IL1RL2: variants seen among roughly 807,000 people sequenced by gnomAD.
The protein encoded by IL1RL2 is interleukin 1 receptor like 2, also known as interleukin-1 receptor-like 2.
IL1RL2 carries 68 observed loss-of-function variants against 66.8 expected under a neutral mutation model. That is an observed-to-expected ratio of 1.02 (90% CI 0.84 to 1.25). The LOEUF is 1.25. IL1RL2 is among the 50% of genes most tolerant of loss of function. The pLI, the probability that IL1RL2 is intolerant of heterozygous loss-of-function variation, is 0.00. For synonymous variants in IL1RL2, 305 were observed against 264.6 expected, an observed-to-expected ratio of 1.15 and a Z score of -1.48; for missense variants, 729 against 709.3, an observed-to-expected ratio of 1.03 and a Z score of -0.32.
chr2:102,234,532 A>C (rs562133454), intron 10 of IL1RL2, among the ~76,000 whole-genome samples: 8 of 152,306 alleles, frequency 5.3e-5, no homozygotes, highest in African/African-American at 1.9e-4. Flanking sequence ...GGTGGCTCAC[A>C]CCTGTAACCC....
intron 8 of IL1RL2, among the ~76,000 whole-genome samples, chr2:102,222,102 A>G (rs958907116): frequency 6.6e-6 from 1 of 151,978 alleles, no homozygotes; most frequent in Non-Finnish European, 1.5e-5. Flanking sequence ...TAATAATACA[A>G]TTTATTTTTG....
chr2:102,221,020 G>A (rs1026756411), intron 8 of IL1RL2, among the ~76,000 whole-genome samples: 34 of 152,268 alleles, frequency 2.2e-4, no homozygotes, highest in Middle Eastern at 3.4e-3. Flanking sequence ...GGCCAGTGTC[G>A]TTCTGGCCTC....
At chr2:102,187,377 T>C in intron 1 of IL1RL2, 1 of 1,149,822 alleles carries the variant, frequency 8.7e-7, no homozygotes, top group Non-Finnish European at 1.1e-6. Context: ...AGTGAGCGGG[T>C]GTTTGGGGTT....
At chr2:102,223,440 A>C (rs1207036253) in intron 8 of IL1RL2, among the ~76,000 whole-genome samples, 1 of 152,236 alleles carries the variant, frequency 6.6e-6, no homozygotes, top group Non-Finnish European at 1.5e-5. Flanking sequence ...GGCTGGTAGT[A>C]GTCAAATGAC....
At chr2:102,192,627 C>T (rs112908206) in intron 4 of IL1RL2, among the ~76,000 whole-genome samples, 180 of 152,274 alleles carry the variant, frequency 1.2e-3, no homozygotes, top group Admixed American at 4.1e-3. Context: ...TCCTTTTTTA[C>T]GCTCATCTTT....
Position 102,233,879 on chromosome 2 carries a change from A to C in IL1RL2, c.1297+755A>C, listed in dbSNP as rs560760908. Reference sequence around the variant, plus strand: ...AAATAAACATTCTTTTCTAGTCACCAGTAAATGCCAATTCACTCACTTATT... The same window carrying C: ...AAATAAACATTCTTTTCTAGTCACCCGTAAATGCCAATTCACTCACTTATT... On this transcript the variant is annotated intron_variant, in intron 10 of 11. Transcript: ENST00000264257. 4.6e-5 allele frequency among the ~76,000 whole-genome samples: 7 copies of C among 152,320 alleles called. No homozygotes were observed. The East Asian group carries it at 1.4e-3, about 29-fold the overall frequency.
At chr2:102,195,582 TTTC>T (rs1687621835) in intron 4 of IL1RL2, among the ~76,000 whole-genome samples, 1 of 14,366 alleles carries the variant, frequency 7.0e-5, no homozygotes, top group Non-Finnish European at 1.6e-4. Flanking sequence ...TCTTTCTTTC[TTTC>T]TTTCTTTCTT....
chr2:102,206,864 G>A (rs56112655), intron 5 of IL1RL2, among the ~76,000 whole-genome samples: 42,680 of 152,178 alleles, frequency 0.28, 6,619 homozygotes, highest in East Asian at 0.38. Context: ...GGATCCAGAG[G>A]TGCCATCTAG....
chr2:102,219,184 C>T, intron 7 of IL1RL2, 102 bp downstream of exon 7: 1 of 1,301,802 alleles, frequency 7.7e-7, no homozygotes, highest in Non-Finnish European at 1.1e-6. Context: ...TTTTGCCTCT[C>T]AATGATTCAT....
chr2:102,187,351 G>T, intron 1 of IL1RL2: 3 of 1,163,626 alleles, frequency 2.6e-6, no homozygotes, highest in Non-Finnish European at 2.2e-6. Context: ...AGGTAGGCCT[G>T]CCCTGGCTGC....
intron 3 of IL1RL2, among the ~76,000 whole-genome samples, 154 bp downstream of exon 3, chr2:102,189,464 A>G (rs1687035392): frequency 6.6e-6 from 1 of 152,226 alleles, no homozygotes; most frequent in African/African-American, 2.4e-5. Context: ...ACACATTTTT[A>G]AACAGAACAG....
rs551196589 is a variant in IL1RL2, at chr2:102,187,161, A to G, written c.-13+75A>G. 3,117 of 1,265,228 alleles carry G rather than the reference A, an allele frequency of 2.5e-3. 13 individuals are homozygous for G. Among genetic ancestry groups the G allele is most frequent in the Non-Finnish European group, 2.3e-3 (2,259 of 968,864 alleles). 78.4% of individuals were successfully genotyped at this position (1,265,228 alleles called of 1,614,324 possible). A position where few individuals can be genotyped will look rare whatever the true frequency, so the allele number is the denominator to read the frequency against. On this transcript the variant is annotated intron_variant, in intron 1 of 11. Transcript: ENST00000264257. ...GACAGTAGGAGAGGTGTGCAGGAAA[A>G]GACGTGGCAACAATGTGTGCCACCG...
rs1054675109 is a variant in IL1RL2, at chr2:102,207,825, C to T, written c.650-4275C>T. ...TAGGACTCACCTAAGAGTTGCAGTC[C>T]CTGTGGCCCAGACTGCCTCTCAAGT... On this transcript the variant is annotated intron_variant, in intron 5 of 11. Coordinates refer to ENST00000264257, the MANE Select transcript of IL1RL2 (RefSeq NM_003854.4). Among the ~76,000 whole-genome samples, 9 of 152,276 alleles carry T rather than the reference C, an allele frequency of 5.9e-5. No homozygotes were observed. The East Asian group carries it at 9.6e-4, about 16-fold the overall frequency.
chr2:102,217,230 G>A (rs1028578069), intron 6 of IL1RL2, among the ~76,000 whole-genome samples: 9 of 152,008 alleles, frequency 5.9e-5, no homozygotes, highest in African/African-American at 2.2e-4. Context: ...GTTTTGCTGG[G>A]TATAGTATTC....
At chr2:102,200,164 G>A (rs1004982799) in intron 4 of IL1RL2, among the ~76,000 whole-genome samples, 4 of 149,612 alleles carry the variant, frequency 2.7e-5, no homozygotes, top group Non-Finnish European at 3.0e-5. Flanking sequence ...CCTAAAGAAG[G>A]AGACATCACA....
chr2:102,211,921 T>A lies in IL1RL2; in HGVS notation c.650-179T>A, dbSNP rs375063838. Among the ~76,000 whole-genome samples, 31 of 152,230 alleles carry A rather than the reference T, an allele frequency of 2.0e-4. 1 individual carries two copies. The highest frequency in any genetic ancestry group is 7.0e-4 in the African/African-American group (29 of 41,556). The stretch of plus-strand genomic sequence containing the variant: ...TTGATAGCTCAGCTTCTAGCTTATT[T>A]TTTTTTTCTTTTTTGGCAATTCAGT... On this transcript the variant is annotated intron_variant, in intron 5 of 11. Coordinates refer to ENST00000264257, the MANE Select transcript of IL1RL2 (RefSeq NM_003854.4).
rs977774195 is a variant in IL1RL2 at position 102,239,229 on chromosome 2, C to T, written c.1716C>T (p.Leu572=). ...GCTCAAGAAGAAAGAAGTGTACTCT[C>T]ACGACTGGCTAAGACTTGCTGGACT... ...ELGSRRKKCT[L]TTG Residue 572 remains leucine (L), a synonymous_variant, in exon 12 of 12, where the codon CTC becomes CTT. Transcript: ENST00000264257. 6.2e-7 allele frequency: 1 copy of T among 1,614,018 alleles called. No homozygotes were observed. The highest frequency in any genetic ancestry group is 8.5e-7 in the Non-Finnish European group (1 of 1,179,894).
At chr2:102,236,023 A>G (rs1674849004) in intron 11 of IL1RL2, 1 of 806,190 alleles carries the variant, frequency 1.2e-6, no homozygotes, top group African/African-American at 1.9e-5. Context: ...CCTGTGAGAG[A>G]CGCAATTAGC....
chr2:102,187,511 C>G (rs1173529482), intron 1 of IL1RL2, among the ~76,000 whole-genome samples: 3 of 152,162 alleles, frequency 2.0e-5, no homozygotes, highest in African/African-American at 7.2e-5. Context: ...CGCTGGGGGG[C>G]GCCCTGGCCC....
Sources: allele counts gnomAD v4.1 joint callset (sites outside exome capture counted in the v4.1 genomes callset), GRCh38; gene constraint gnomAD v4.1.1; transcripts MANE v1.5; gene names NCBI Gene and HGNC (gene_info 2026-07-23, HGNC 2026-07-21).